The following LIMS1 variants were observed in gnomAD, a reference collection of about 807,000 sequenced individuals.
LIMS1 encodes LIM zinc finger domain containing 1, also known as LIM and senescent cell antigen-like-containing domain protein 1.
Under a neutral mutation model 44.1 loss-of-function variants are expected in LIMS1, and 18 were observed. The observed-to-expected ratio is 0.41, with a 90% CI of 0.28 to 0.61. LIMS1 has a LOEUF of 0.61. Among genes scored for constraint, LIMS1 ranks in the 20% least tolerant of loss-of-function variants. The pLI, the probability that LIMS1 is intolerant of heterozygous loss-of-function variation, is 0.32. For missense variants in LIMS1, 201 were observed against 422.0 expected, an observed-to-expected ratio of 0.48 and a Z score of 4.59; for synonymous variants, 93 against 149.1, an observed-to-expected ratio of 0.62 and a Z score of 2.74.
intron 1 of LIMS1, among the ~76,000 whole-genome samples, chr2:108,627,010 C>G (rs1688612847): frequency 6.6e-6 from 1 of 152,114 alleles, no homozygotes; most frequent in Non-Finnish European, 1.5e-5. Flanking sequence ...TCTTTTAAAC[C>G]GTATTTTTAC....
intron 1 of LIMS1, among the ~76,000 whole-genome samples, chr2:108,633,770 A>T (rs924183820): frequency 6.6e-6 from 1 of 152,272 alleles, no homozygotes; most frequent in Admixed American, 6.5e-5. Flanking sequence ...TAAAAGGATT[A>T]GAGCAGGGAG....
chr2:108,667,042 ACT>A (rs1304628796), intron 2 of LIMS1, among the ~76,000 whole-genome samples: 1 of 151,532 alleles, frequency 6.6e-6, no homozygotes, highest in African/African-American at 2.4e-5. Context: ...CTGGTGATCA[ACT>A]TAACCTTCAG....
At chr2:108,642,390 C>T (rs1426166827) in intron 1 of LIMS1, among the ~76,000 whole-genome samples, 1 of 109,400 alleles carries the variant, frequency 9.1e-6, no homozygotes, top group Non-Finnish European at 1.7e-5. Context: ...GACGGAGTCT[C>T]GCTCTGTCGC....
exon 4 of LIMS1, chr2:108,672,429 G>A: frequency 1.1e-6 from 1 of 936,216 alleles, no homozygotes; most frequent in African/African-American, 2.0e-5. Context: ...TATCGGGTTT[G>A]TCAAGAATGC....
intron 1 of LIMS1, among the ~76,000 whole-genome samples, chr2:108,603,160 G>A (rs1035352372): frequency 1.3e-4 from 20 of 152,168 alleles, no homozygotes; most frequent in Non-Finnish European, 2.1e-4. Context: ...AATGAGTTTG[G>A]AAGTATTCCC....
intron 1 of LIMS1, among the ~76,000 whole-genome samples, chr2:108,571,088 T>C (rs1465514671): frequency 1.3e-5 from 2 of 152,218 alleles, no homozygotes; most frequent in African/African-American, 4.8e-5. Flanking sequence ...TTATTACGTA[T>C]ACTGTTTATT....
At chr2:108,567,450 T>C (rs1685331878) in intron 1 of LIMS1, among the ~76,000 whole-genome samples, 1 of 152,180 alleles carries the variant, frequency 6.6e-6, no homozygotes, top group African/African-American at 2.4e-5. Context: ...ACACACATTA[T>C]TGTAAAATAA....
chr2:108,626,050 G>T (rs1486388523), intron 1 of LIMS1, among the ~76,000 whole-genome samples: 1 of 152,134 alleles, frequency 6.6e-6, no homozygotes, highest in African/African-American at 2.4e-5. Context: ...CTATAAAGGT[G>T]GTCATTGTTA....
intron 1 of LIMS1, among the ~76,000 whole-genome samples, chr2:108,559,413 C>T (rs1000391790): frequency 2.6e-5 from 4 of 152,084 alleles, no homozygotes; most frequent in African/African-American, 9.7e-5. Context: ...ATTTTAATTG[C>T]CTGTGATACA....
chr2:108,623,132 CTCCTAATG>C (rs1490039959), intron 1 of LIMS1, among the ~76,000 whole-genome samples: 1 of 151,952 alleles, frequency 6.6e-6, no homozygotes, highest in Admixed American at 6.6e-5. Context: ...CCACTTTTGT[CTCCTAATG>C]TAGAGAAAAT....
At position 108,603,884 on chromosome 2, in the gene LIMS1, G is replaced by A. The variant is rs142737864; in HGVS notation, c.33-55721G>A. ...TCTTCTATTATTAATTTTGGATTTG[G>A]TTTGCTCTTGCCTTTCTAGTTCCTT... On this transcript the variant is annotated intron_variant, in intron 1 of 9. Coordinates refer to ENST00000544547, the Ensembl canonical transcript of LIMS1. Among the ~76,000 whole-genome samples the A allele has an allele frequency of 2.0e-4, 31 of 151,510 alleles. No individual in the cohort carries two copies. The East Asian group carries it at 6.0e-3, about 29-fold the overall frequency.
chr2:108,594,764 T>C (rs1318374115), intron 1 of LIMS1, among the ~76,000 whole-genome samples: 7 of 152,188 alleles, frequency 4.6e-5, no homozygotes, highest in Non-Finnish European at 8.8e-5. Context: ...ATACATATCA[T>C]GTCATCAGCA....
At chr2:108,604,454 G>A (rs7565372) in intron 1 of LIMS1, among the ~76,000 whole-genome samples, 54,992 of 152,014 alleles carry the variant, frequency 0.36, 11,841 homozygotes, top group East Asian at 0.88. Flanking sequence ...TTGATGATTC[G>A]TGCCATAGAG....
chr2:108,539,807 T>A (rs764992071), intron 1 of LIMS1, among the ~76,000 whole-genome samples: 1 of 152,206 alleles, frequency 6.6e-6, no homozygotes, highest in Non-Finnish European at 1.5e-5. Flanking sequence ...ATCATCCTGG[T>A]TCTTTTCCTC....
intron 1 of LIMS1, among the ~76,000 whole-genome samples, chr2:108,641,080 C>G (rs765879143): frequency 6.6e-6 from 1 of 152,144 alleles, no homozygotes; most frequent in Admixed American, 6.5e-5. Context: ...TAATGTACCC[C>G]GGGCTCATCA....
At chr2:108,654,494 G>T (rs1396292855) in intron 1 of LIMS1, among the ~76,000 whole-genome samples, 1 of 152,040 alleles carries the variant, frequency 6.6e-6, no homozygotes, top group Non-Finnish European at 1.5e-5. Flanking sequence ...GGGGCTCATG[G>T]CCTCCTGGGG....
At chr2:108,583,289 C>T (rs1379556327) in intron 1 of LIMS1, among the ~76,000 whole-genome samples, 2 of 151,560 alleles carry the variant, frequency 1.3e-5, no homozygotes, top group Non-Finnish European at 1.5e-5. Flanking sequence ...ATGATCTGCC[C>T]GCCTAGGCCT....
intron 1 of LIMS1, among the ~76,000 whole-genome samples, chr2:108,535,945 G>A (rs539508028): frequency 1.3e-5 from 2 of 152,118 alleles, no homozygotes; most frequent in South Asian, 4.1e-4. Flanking sequence ...TTGGTCACAA[G>A]TAACAAAAAA....
intron 1 of LIMS1, among the ~76,000 whole-genome samples, chr2:108,539,721 G>A (rs1308253811): frequency 2.0e-5 from 3 of 152,106 alleles, no homozygotes; most frequent in African/African-American, 4.8e-5. Context: ...TTTTAAAATC[G>A]TGTATGTTTT....
Sources: allele counts gnomAD v4.1 joint callset (sites outside exome capture counted in the v4.1 genomes callset), GRCh38; gene constraint gnomAD v4.1.1; transcripts MANE v1.5; gene names NCBI Gene and HGNC (gene_info 2026-07-23, HGNC 2026-07-21).